The following BMP1 variants were observed in gnomAD, a reference collection of about 807,000 sequenced individuals.
The protein encoded by BMP1 is mammalian tolloid protein.
BMP1 carries 63 observed loss-of-function variants against 116.8 expected under a neutral mutation model. The observed-to-expected ratio is 0.54, with a 90% CI of 0.44 to 0.67. The LOEUF (loss-of-function observed/expected upper bound fraction) is 0.67, where lower values mean the gene tolerates loss of function less well. Ranked by LOEUF, BMP1 falls within the 30% of genes least tolerant of loss-of-function variation. The pLI, the probability that BMP1 is intolerant of heterozygous loss-of-function variation, is 0.00. For missense variants in BMP1, 1,183 were observed against 1,358.9 expected, an observed-to-expected ratio of 0.87 and a Z score of 2.04; for synonymous variants, 536 against 533.4, an observed-to-expected ratio of 1.00 and a Z score of -0.07.
chr8:22,179,620 A>G lies in BMP1; in HGVS notation c.837-85A>G. On this transcript the variant is annotated intron_variant, in intron 6 of 19. Coordinates refer to ENST00000306385, the MANE Select transcript of BMP1 (RefSeq NM_006129.5). This position sits in a 1 kb window ranked among gnomAD's most constrained non-coding sequence, Gnocchi z 4.6. ...ATGTCTGAGCTCCAGCAGGGTCGTGACTTGTGGGTACAGATGGGCATGCCA... is the reference window on the plus strand; with the variant it reads ...ATGTCTGAGCTCCAGCAGGGTCGTGGCTTGTGGGTACAGATGGGCATGCCA... 6.2e-7 allele frequency: 1 copy of G among 1,601,222 alleles called. No homozygotes were observed.
In BMP1 at chr8:22,179,680, CCTTA is replaced by C. The variant is rs1329754762; in HGVS notation, c.837-21_837-18del. 9.3e-6 allele frequency: 15 copies of C among 1,613,052 alleles called. No homozygotes were observed. In the Admixed American group the frequency reaches 1.2e-4, roughly 13 times the overall value. On this transcript the variant is annotated intron_variant, in intron 6 of 19. Coordinates refer to ENST00000306385, the MANE Select transcript of BMP1 (RefSeq NM_006129.5). This position sits in a 1 kb window ranked among gnomAD's most constrained non-coding sequence, Gnocchi z 4.6. ...TGCCCACTGTCCATGAGACGCTCAC[CCTTA>C]CTTTTCTCCCTCTTCTTCAGGGGCA... is the stretch of plus-strand genomic sequence containing the variant.
chr8:22,182,131 A>G (rs1225721830), intron 8 of BMP1, among the ~76,000 whole-genome samples: 2 of 152,212 alleles, frequency 1.3e-5, no homozygotes, highest in Non-Finnish European at 2.9e-5. Context: ...CATGGTTCTT[A>G]ATGTCATAGT....
At chr8:22,199,156 C>T (rs1563271221) in intron 15 of BMP1, 2 of 1,367,740 alleles carry the variant, frequency 1.5e-6, no homozygotes, top group African/African-American at 1.5e-5. Context: ...CACGCACACA[C>T]ATGTGCACAC....
intron 16 of BMP1, among the ~76,000 whole-genome samples, chr8:22,205,903 G>A (rs1235825090): frequency 6.6e-6 from 1 of 152,242 alleles, no homozygotes; most frequent in East Asian, 1.9e-4. Flanking sequence ...AACAGTGGAT[G>A]ATGACAAAGC....
At chr8:22,176,481 G>C in intron 3 of BMP1, 52 bp from the exon 4 acceptor site, 1 of 1,591,392 alleles carries the variant, frequency 6.3e-7, no homozygotes. Flanking sequence ...TGGTGGGTAG[G>C]GGGTGGGACT....
At chr8:22,189,060 T>G (rs922210647) in intron 8 of BMP1, among the ~76,000 whole-genome samples, 4 of 152,188 alleles carry the variant, frequency 2.6e-5, no homozygotes, top group Non-Finnish European at 4.4e-5. Context: ...ATGCACACAG[T>G]AAACTTTTTG....
chr8:22,194,627 A>C lies in BMP1; in HGVS notation c.1443+37A>C. On this transcript the variant is annotated intron_variant, in intron 11 of 19. Coordinates refer to ENST00000306385, the MANE Select transcript of BMP1 (RefSeq NM_006129.5). This position sits in a 1 kb window ranked among gnomAD's most constrained non-coding sequence, Gnocchi z 4.5. The stretch of plus-strand genomic sequence containing the variant: ...GCCCTGTGATCTGACCTTTGAATCC[A>C]GCAGTTGCTCCCTGGGACAGCTGCC... The C allele has an allele frequency of 6.2e-7, 1 of 1,609,980 alleles. No homozygotes were observed. The highest frequency in any genetic ancestry group is 8.5e-7 in the Non-Finnish European group (1 of 1,177,170).
At chr8:22,207,656 T>A in intron 18 of BMP1, 140 bp downstream of exon 18, 1 of 1,013,018 alleles carries the variant, frequency 9.9e-7, no homozygotes, top group South Asian at 1.6e-5. Context: ...GATGCAAACA[T>A]TGTGTCCTGA....
intron 16 of BMP1, among the ~76,000 whole-genome samples, chr8:22,203,428 G>T (rs1245311274): frequency 6.6e-6 from 1 of 152,066 alleles, no homozygotes; most frequent in Non-Finnish European, 1.5e-5. Context: ...GTGGTGGGAC[G>T]CACCTGTAAT....
Position 22,179,758 on chromosome 8 carries a change from C to T in BMP1, c.890C>T (p.Pro297Leu). Residue 297 changes from proline to leucine, a missense_variant, in exon 7 of 20, where the codon CCT becomes CTT. By Grantham distance (98) the Pro-to-Leu change is moderately conservative. Transcript: ENST00000306385. This position sits in a 1 kb window ranked among gnomAD's most constrained non-coding sequence, Gnocchi z 4.6. The part of the protein sequence containing the change: ...VPKYEVNGVK[P>L]PIGQRTRLSK... ...AAGTATGAGGTGAACGGGGTGAAAC[C>T]TCCCATTGGCCAAAGGACACGGCTC... The T allele has an allele frequency of 6.2e-7, 1 of 1,614,122 alleles. No homozygotes were observed. The highest frequency in any genetic ancestry group is 1.1e-5 in the South Asian group (1 of 91,084).
In BMP1 at chr8:22,209,450, G is replaced by A. The variant is rs774583262; in HGVS notation, c.2581G>A (p.Gly861Arg). The change falls in exon 19 of 20, where the codon GGG becomes AGG. Residue 861 changes from glycine to arginine, a missense_variant. This residue lies in a region of BMP1 where 956 missense variants were observed against 1,135.2 expected (regional missense o/e 0.84). Transcript: ENST00000306385. ...GCCCCTCTTGTCCCCTACAGAGTGC[G>A]GGGGCCAGGTACGGGCAGACGTGAA... The part of the protein sequence containing the change: ...GFQASHATEC[G>R]GQVRADVKTK... The A allele has an allele frequency of 1.1e-5, 18 of 1,613,914 alleles. No individual in the cohort carries two copies. Among genetic ancestry groups the A allele is most frequent in the Middle Eastern group, 1.6e-4 (1 of 6,084 alleles).
chr8:22,196,226 ACT>A (rs758929592), intron 13 of BMP1: 1 of 526,092 alleles, frequency 1.9e-6, no homozygotes, highest in South Asian at 1.4e-5. Context: ...TGGGACAGAC[ACT>A]GTTTCCGCCT....
chr8:22,180,147 C>T (rs1028546131), intron 7 of BMP1, among the ~76,000 whole-genome samples: 22 of 151,938 alleles, frequency 1.4e-4, no homozygotes, highest in African/African-American at 5.3e-4. Flanking sequence ...ACCCATATTG[C>T]CTTCACAAAC....
intron 8 of BMP1, among the ~76,000 whole-genome samples, chr8:22,190,919 G>A (rs1440680809): frequency 2.0e-5 from 3 of 152,200 alleles, no homozygotes; most frequent in Admixed American, 2.0e-4. Flanking sequence ...GCAGGTCACG[G>A]TGAACACATC....
chr8:22,194,404 T>C lies in BMP1; in HGVS notation c.1298-41T>C. ...AGCTCCCTAGCAGGGCAAAGCATGCTGACTCACCACCCCTTCCCACCCCAT... is the reference window on the plus strand; with the variant it reads ...AGCTCCCTAGCAGGGCAAAGCATGCCGACTCACCACCCCTTCCCACCCCAT... On this transcript the variant is annotated intron_variant, in intron 10 of 19. Transcript: ENST00000306385. The surrounding 1 kb of genome is among the most constrained non-coding windows in gnomAD (Gnocchi z 4.5). 1 of 1,610,912 alleles carries C rather than the reference T, an allele frequency of 6.2e-7. No homozygotes were observed. Among genetic ancestry groups the C allele is most frequent in the South Asian group, 1.1e-5 (1 of 90,566 alleles).
chr8:22,196,309 C>G (rs1291662516), intron 13 of BMP1: 2 of 562,758 alleles, frequency 3.6e-6, no homozygotes, highest in Non-Finnish European at 6.9e-6. Context: ...TAGGCCGATC[C>G]TGCTGTGCCC....
At chr8:22,206,541 G>C (rs894053051) in intron 16 of BMP1, among the ~76,000 whole-genome samples, 1 of 151,450 alleles carries the variant, frequency 6.6e-6, no homozygotes, top group Non-Finnish European at 1.5e-5. Flanking sequence ...AAAATGGAGA[G>C]GCACAGGTGA....
At chr8:22,201,467 GCTC>G (rs1829262084) in intron 15 of BMP1, 4 of 1,402,190 alleles carry the variant, frequency 2.9e-6, no homozygotes, top group Non-Finnish European at 3.7e-6. Context: ...CCTGCGTCCT[GCTC>G]CTTTCTCTTG....
chr8:22,192,626 G>A (rs897645548), intron 9 of BMP1, among the ~76,000 whole-genome samples: 3 of 152,200 alleles, frequency 2.0e-5, no homozygotes, highest in Non-Finnish European at 4.4e-5. Context: ...ACTCACTGCC[G>A]AGGGCTGCAC....
Sources: gnomAD v4.1 joint callset for allele counts (sites outside exome capture counted in the v4.1 genomes callset) on GRCh38, gnomAD v4.1.1 for gene constraint, gnomAD v4.1.1 regional missense constraint, Gnocchi (gnomAD v3.1) non-coding constraint, MANE v1.5 for transcripts, NCBI Gene and HGNC (gene_info 2026-07-23, HGNC 2026-07-21) for gene names.